Variants in ERBB4 observed in about 807,000 individuals in gnomAD.
ERBB4 encodes the protein erb-b2 receptor tyrosine kinase 4, also known as receptor tyrosine-protein kinase erbB-4.
ERBB4 carries 42 observed loss-of-function variants against 158.0 expected under a neutral mutation model. That is an observed-to-expected ratio of 0.27 (90% CI 0.21 to 0.34). The LOEUF is 0.34. Ranked by LOEUF, ERBB4 falls within the 10% of genes least tolerant of loss-of-function variation. ERBB4 has a pLI of 1.00. For synonymous variants in ERBB4, 583 were observed against 558.7 expected, an observed-to-expected ratio of 1.04 and a Z score of -0.61; for missense variants, 1,333 against 1,624.1, an observed-to-expected ratio of 0.82 and a Z score of 3.08.
At chr2:211,841,482 CA>C (rs1460494563) in intron 3 of ERBB4, among the ~76,000 whole-genome samples, 2 of 151,868 alleles carry the variant, frequency 1.3e-5, no homozygotes, top group African/African-American at 4.8e-5. Flanking sequence ...CTTTAGGCCA[CA>C]CCTTTTGAAA....
At chr2:211,509,885 G>C (rs184391117) in intron 20 of ERBB4, among the ~76,000 whole-genome samples, 1 of 151,916 alleles carries the variant, frequency 6.6e-6, no homozygotes, top group Non-Finnish European at 1.5e-5. Context: ...AATTAAAACC[G>C]CAGTGAAATA....
chr2:211,835,767 A>C (rs2077328068), intron 3 of ERBB4, among the ~76,000 whole-genome samples: 1 of 152,104 alleles, frequency 6.6e-6, no homozygotes, highest in Non-Finnish European at 1.5e-5. Flanking sequence ...TGAAAGATTC[A>C]GTACCGTGAA....
chr2:212,286,599 T>TTTTCTTTTGTTTTG (rs2085975965), intron 1 of ERBB4, among the ~76,000 whole-genome samples: 1 of 83,832 alleles, frequency 1.2e-5, no homozygotes, highest in Non-Finnish European at 2.2e-5. Flanking sequence ...GCTGACTTTT[T>TTTTCTTTTGTTTTG]TTTTTTTTTT....
intron 1 of ERBB4, among the ~76,000 whole-genome samples, chr2:212,205,861 A>G (rs1420372140): frequency 6.6e-6 from 1 of 152,192 alleles, no homozygotes; most frequent in Non-Finnish European, 1.5e-5. Flanking sequence ...CGAGTTGATA[A>G]AGTACCATTT....
At chr2:211,698,333 A>G (rs193175927) in intron 12 of ERBB4, among the ~76,000 whole-genome samples, 5,828 of 149,344 alleles carry the variant, frequency 0.039, 394 homozygotes, top group African/African-American at 0.14. Context: ...AAAAAAAAAA[A>G]GGGGAATAAG....
intron 17 of ERBB4, among the ~76,000 whole-genome samples, chr2:211,629,936 TA>T (rs2070036577): frequency 6.6e-6 from 1 of 152,122 alleles, no homozygotes. Flanking sequence ...CCTAAAACCA[TA>T]AAAAACCTAG....
intron 3 of ERBB4, among the ~76,000 whole-genome samples, chr2:211,792,582 C>T (rs1226317118): frequency 6.6e-6 from 1 of 151,786 alleles, no homozygotes; most frequent in Non-Finnish European, 1.5e-5. Context: ...CTTTAGCTAT[C>T]CCATACAGAC....
At chr2:212,251,941 A>G (rs1009025849) in intron 1 of ERBB4, among the ~76,000 whole-genome samples, 12 of 152,000 alleles carry the variant, frequency 7.9e-5, no homozygotes, top group African/African-American at 2.9e-4. Context: ...AAACAAGACT[A>G]GACAGAAAGC....
intron 1 of ERBB4, among the ~76,000 whole-genome samples, chr2:212,527,614 T>C (rs1692520449): frequency 6.6e-6 from 1 of 152,128 alleles, no homozygotes; most frequent in Non-Finnish European, 1.5e-5. Flanking sequence ...CAAGACCCTG[T>C]ACTTAATTTG....
chr2:211,770,754 C>T (rs1012759094), intron 4 of ERBB4, among the ~76,000 whole-genome samples: 4 of 152,056 alleles, frequency 2.6e-5, no homozygotes, highest in African/African-American at 7.2e-5. Flanking sequence ...CTCTCAGAGG[C>T]CCCCAAATCA....
intron 3 of ERBB4, among the ~76,000 whole-genome samples, chr2:211,820,887 A>G (rs2076981106): frequency 6.6e-6 from 1 of 151,826 alleles, no homozygotes; most frequent in Admixed American, 6.6e-5. Flanking sequence ...ACTCTCAATA[A>G]ATAAGGTATA....
chr2:211,616,796 A>G (rs1471873065), intron 19 of ERBB4, among the ~76,000 whole-genome samples: 1 of 152,158 alleles, frequency 6.6e-6, no homozygotes, highest in Non-Finnish European at 1.5e-5. Flanking sequence ...CTGTCCATCA[A>G]TCTGTTAATC....
At chr2:211,942,537 A>T (rs1324292261) in intron 3 of ERBB4, among the ~76,000 whole-genome samples, 1 of 151,742 alleles carries the variant, frequency 6.6e-6, no homozygotes, top group Non-Finnish European at 1.5e-5. Context: ...TTTTTCATCT[A>T]CCAGAATCCA....
In ERBB4 at chr2:212,044,567, A is replaced by G. The variant is rs1373301299; in HGVS notation, c.234+80185T>C. Among the ~76,000 whole-genome samples the G allele has an allele frequency of 2.0e-5, 3 of 152,118 alleles. No homozygotes were observed. The East Asian group carries it at 5.8e-4, about 29-fold the overall frequency. ...TTCAGGATTACTCCTCTTATATTAC[A>G]ATAAATTTTAACATCTACTAGCTTT... is the stretch of plus-strand genomic sequence containing the variant. On this transcript the variant is annotated intron_variant, in intron 2 of 27. Transcript: ENST00000342788.
chr2:211,555,467 G>A (rs758950702), intron 20 of ERBB4, among the ~76,000 whole-genome samples: 5 of 152,204 alleles, frequency 3.3e-5, no homozygotes, highest in Non-Finnish European at 5.9e-5. Context: ...TTACAGGCAT[G>A]AGCCACTACG....
intron 3 of ERBB4, among the ~76,000 whole-genome samples, chr2:211,875,025 C>CAAAAAAAAAAAAAAAAA (rs746636278): frequency 1.9e-4 from 5 of 27,018 alleles, no homozygotes; most frequent in Non-Finnish European, 2.0e-4. Flanking sequence ...AATAGAAATG[C>CAAAAAAAAAAAAAAAAA]AAAAAAAAAA....
chr2:211,387,316 C>G (rs565478792), intron 26 of ERBB4, among the ~76,000 whole-genome samples, 166 bp from the exon 27 acceptor site: 135 of 152,196 alleles, frequency 8.9e-4, no homozygotes, highest in Non-Finnish European at 1.4e-3. Context: ...CTATAAACAC[C>G]TAAAATTTCC....
At chr2:212,197,018 C>T (rs529815373) in intron 1 of ERBB4, among the ~76,000 whole-genome samples, 5 of 151,984 alleles carry the variant, frequency 3.3e-5, no homozygotes, top group Admixed American at 1.3e-4. Flanking sequence ...TTTTTTCTTT[C>T]GTTTTAAATA....
At chr2:211,602,084 C>A (rs1254737187) in intron 19 of ERBB4, among the ~76,000 whole-genome samples, 1 of 151,978 alleles carries the variant, frequency 6.6e-6, no homozygotes, top group Non-Finnish European at 1.5e-5. Context: ...CAATTTCTGG[C>A]ACAGGTTTGG....
Sources: gnomAD v4.1 joint callset for allele counts (sites outside exome capture counted in the v4.1 genomes callset) on GRCh38, gnomAD v4.1.1 for gene constraint, MANE v1.5 for transcripts, NCBI Gene and HGNC (gene_info 2026-07-23, HGNC 2026-07-21) for gene names.